ASTN2: variants seen among roughly 807,000 people sequenced by gnomAD.
The protein encoded by ASTN2 is astrotactin 2.
Under a neutral mutation model 139.8 loss-of-function variants are expected in ASTN2, and 54 were observed. The observed-to-expected ratio is 0.39, with a 90% CI of 0.31 to 0.48. ASTN2 has a LOEUF of 0.48. ASTN2 is among the 20% of genes least tolerant of loss of function. The pLI is 0.95. For missense variants in ASTN2, 1,565 were observed against 1,725.1 expected, an observed-to-expected ratio of 0.91 and a Z score of 1.64; for synonymous variants, 756 against 719.5, an observed-to-expected ratio of 1.05 and a Z score of -0.81.
chr9:117,365,311 GAAA>G (rs199814563), intron 1 of ASTN2, among the ~76,000 whole-genome samples: 1 of 146,120 alleles, frequency 6.8e-6, no homozygotes, highest in Non-Finnish European at 1.5e-5. Flanking sequence ...AAGAAAGAAA[GAAA>G]AAGAAAGAAA....
At chr9:117,033,897 C>T (rs1838314721) in intron 6 of ASTN2, among the ~76,000 whole-genome samples, 1 of 152,146 alleles carries the variant, frequency 6.6e-6, no homozygotes, top group South Asian at 2.1e-4. Context: ...GCTTTGTGTG[C>T]TACTCAATAG....
chr9:117,405,284 C>A (rs1000934250), intron 1 of ASTN2, among the ~76,000 whole-genome samples: 73 of 152,186 alleles, frequency 4.8e-4, no homozygotes, highest in African/African-American at 1.7e-3. Context: ...TGGAACCAGG[C>A]AGACCTGGAT....
In ASTN2 at chr9:116,431,285, C is replaced by A. The variant is rs139201259; in HGVS notation, c.3783-5197G>T. On this transcript the variant is annotated intron_variant, in intron 22 of 22. Coordinates refer to ENST00000313400, the MANE Select transcript of ASTN2 (RefSeq NM_001365068.1). ...GGAAGAAAACATTCCCATTCGCCTC[C>A]CTCCCTCCTCCCTGCCTTACGGAGT... is the stretch of plus-strand genomic sequence containing the variant. Among the ~76,000 whole-genome samples, 366 of 152,170 alleles carry A rather than the reference C, an allele frequency of 2.4e-3. 2 individuals carry two copies. Among genetic ancestry groups the A allele is most frequent in the East Asian group, 0.015 (79 of 5,176 alleles).
intron 2 of ASTN2, among the ~76,000 whole-genome samples, chr9:117,244,807 G>A (rs1394199339): frequency 1.3e-5 from 2 of 151,618 alleles, no homozygotes; most frequent in African/African-American, 4.8e-5. Flanking sequence ...AGAGAGGGAG[G>A]GAGGAAGGAA....
intron 10 of ASTN2, among the ~76,000 whole-genome samples, chr9:116,908,799 G>A (rs540971220): frequency 1.4e-4 from 22 of 152,304 alleles, no homozygotes; most frequent in African/African-American, 3.4e-4. Flanking sequence ...TAATGTATGC[G>A]TGTATAATAT....
At chr9:116,773,440 A>T (rs1379452290) in intron 13 of ASTN2, among the ~76,000 whole-genome samples, 1 of 152,214 alleles carries the variant, frequency 6.6e-6, no homozygotes, top group Admixed American at 6.5e-5. Context: ...TGGGGAGGTC[A>T]TGAGAAAGAT....
In ASTN2 at chr9:117,405,547, T is replaced by G. The variant is rs1444612319; in HGVS notation, c.442+8950A>C. Among the ~76,000 whole-genome samples, 11 of 152,282 alleles carry G rather than the reference T, an allele frequency of 7.2e-5. No individual in the cohort carries two copies. The East Asian group carries it at 1.9e-3, about 27-fold the overall frequency. On this transcript the variant is annotated intron_variant, in intron 1 of 22. Coordinates refer to ENST00000313400, the MANE Select transcript of ASTN2 (RefSeq NM_001365068.1). ...TACATTACAACTCTGGAATTCCAAC[T>G]CCTCCTGTCCCCAGTTTCCCAGCTG...
At chr9:116,543,317 G>A (rs975046985) in intron 19 of ASTN2, among the ~76,000 whole-genome samples, 6 of 150,982 alleles carry the variant, frequency 4.0e-5, no homozygotes, top group African/African-American at 7.3e-5. Context: ...TGTGACTGCC[G>A]TCCCAGCTAT....
intron 3 of ASTN2, among the ~76,000 whole-genome samples, chr9:117,201,042 C>T (rs889434020): frequency 1.4e-4 from 18 of 124,562 alleles, no homozygotes; most frequent in Non-Finnish European, 2.4e-4. Context: ...ATTACTGCCT[C>T]AATTTCAGAG....
chr9:116,497,825 G>A (rs773144344), intron 19 of ASTN2, among the ~76,000 whole-genome samples: 113 of 152,280 alleles, frequency 7.4e-4, no homozygotes, highest in Non-Finnish European at 1.2e-3. Context: ...CATCCATGGA[G>A]GGTTTTCTTT....
intron 19 of ASTN2, among the ~76,000 whole-genome samples, chr9:116,604,890 G>C (rs781693006): frequency 6.6e-6 from 1 of 152,086 alleles, no homozygotes; most frequent in Non-Finnish European, 1.5e-5. Flanking sequence ...AAAGAACAGG[G>C]GAACTGAGAG....
chr9:116,853,276 A>G (rs1832658239), intron 11 of ASTN2, among the ~76,000 whole-genome samples: 1 of 152,162 alleles, frequency 6.6e-6, no homozygotes, highest in Admixed American at 6.5e-5. Flanking sequence ...CTTTTAGAAA[A>G]CCAAAAAAAA....
chr9:117,375,770 G>A (rs768382600), intron 1 of ASTN2, among the ~76,000 whole-genome samples: 22 of 152,236 alleles, frequency 1.4e-4, no homozygotes, highest in Non-Finnish European at 3.1e-4. Context: ...AAACAGTTTT[G>A]CAGGTCGGAA....
At chr9:116,571,950 G>A (rs34395359) in intron 19 of ASTN2, among the ~76,000 whole-genome samples, 31,696 of 152,012 alleles carry the variant, frequency 0.21, 3,390 homozygotes, top group Non-Finnish European at 0.23. Context: ...TTGTTTAGCT[G>A]GCTGAGGTGA....
chr9:116,442,401 A>T (rs1444118451), intron 21 of ASTN2, 52 bp downstream of exon 21: 3 of 1,409,160 alleles, frequency 2.1e-6, no homozygotes, highest in Non-Finnish European at 3.0e-6. Flanking sequence ...TGGGTGCAGA[A>T]CTTAGGGGAA....
intron 1 of ASTN2, among the ~76,000 whole-genome samples, chr9:117,350,607 T>A (rs1027571819): frequency 3.4e-5 from 5 of 147,918 alleles, no homozygotes; most frequent in Admixed American, 6.8e-5. Context: ...AAAAGAAAAA[T>A]CAGAGACAGT....
rs1033820386 is a variant in ASTN2 at position 117,147,009 on chromosome 9, G to A, written c.1016-5531C>T. On this transcript the variant is annotated intron_variant, in intron 3 of 22. Coordinates refer to ENST00000313400, the MANE Select transcript of ASTN2 (RefSeq NM_001365068.1). ...TGAGCATATATCAAAATATCATACC[G>A]TACCCCATAAGTCTGTACAATTATT... Among the ~76,000 whole-genome samples, 8 of 151,984 alleles carry A rather than the reference G, an allele frequency of 5.3e-5. No individual in the cohort carries two copies. The East Asian group carries it at 1.2e-3, about 22-fold the overall frequency.
At position 117,032,575 on chromosome 9, in the gene ASTN2, A is replaced by C. The variant is rs114435783; in HGVS notation, c.1423+7244T>G. Among the ~76,000 whole-genome samples, 726 of 152,272 alleles carry C rather than the reference A, an allele frequency of 4.8e-3. 7 individuals are homozygous for C. The highest frequency in any genetic ancestry group is 0.017 in the African/African-American group (704 of 41,564). ...ATGTGGTGTCATTTTCCCTTCTAAGAATTGAAAATACTCCTTCCATGTATT... is the reference window on the plus strand; with the variant it reads ...ATGTGGTGTCATTTTCCCTTCTAAGCATTGAAAATACTCCTTCCATGTATT... On this transcript the variant is annotated intron_variant, in intron 6 of 22. Transcript: ENST00000313400.
chr9:116,506,803 T>C (rs1335771382), intron 19 of ASTN2, among the ~76,000 whole-genome samples: 1 of 152,194 alleles, frequency 6.6e-6, no homozygotes, highest in African/African-American at 2.4e-5. Flanking sequence ...AGACAAGTCC[T>C]GCAGGGGAGG....
Sources: gnomAD v4.1 joint callset for allele counts (sites outside exome capture counted in the v4.1 genomes callset) on GRCh38, gnomAD v4.1.1 for gene constraint, MANE v1.5 for transcripts, NCBI Gene and HGNC (gene_info 2026-07-23, HGNC 2026-07-21) for gene names.